Variants in ASTN2 observed in about 807,000 individuals in gnomAD.
The protein encoded by ASTN2 is astrotactin-2.
A neutral mutation model predicts 139.8 loss-of-function variants in ASTN2; 54 were observed. That is an observed-to-expected ratio of 0.39 (90% confidence interval 0.31 to 0.48). The LOEUF (loss-of-function observed/expected upper bound fraction) is 0.48, where lower values mean the gene tolerates loss of function less well. Among genes scored for constraint, ASTN2 ranks in the 20% least tolerant of loss-of-function variants. The pLI is 0.95. For synonymous variants in ASTN2, 756 were observed against 719.5 expected (o/e 1.05, Z -0.81); for missense variants, 1,565 against 1,725.1 (o/e 0.91, Z 1.64).
At chr9:116,824,519 T>C (rs1192207513) in intron 11 of ASTN2, among the ~76,000 whole-genome samples, 1 of 152,124 alleles carries the variant, frequency 6.6e-6, no homozygotes, top group African/African-American at 2.4e-5. Flanking sequence ...CAGCAAAACA[T>C]GAGTGAGCCT....
In ASTN2 at chr9:116,871,461, C is replaced by T. The variant is rs191362273; in HGVS notation, c.1890-7728G>A. ...GAAACCCTGCCTCTATCATAAGTCCCTGCCTACTTCCTCCCAATGACCCTT... is the reference window on the plus strand; with the variant it reads ...GAAACCCTGCCTCTATCATAAGTCCTTGCCTACTTCCTCCCAATGACCCTT... On this transcript the variant is annotated intron_variant, in intron 10 of 22. Transcript: ENST00000313400. 3.9e-5 allele frequency among the ~76,000 whole-genome samples: 6 copies of T among 152,268 alleles called. No individual in the cohort carries two copies. In the East Asian group the frequency reaches 1.2e-3, roughly 29 times the overall value.
At chr9:117,004,330 A>G (rs1316664399) in intron 7 of ASTN2, among the ~76,000 whole-genome samples, 1 of 152,094 alleles carries the variant, frequency 6.6e-6, no homozygotes, top group African/African-American at 2.4e-5. Flanking sequence ...TATGTTGCCC[A>G]GGCTGGTCTT....
intron 1 of ASTN2, among the ~76,000 whole-genome samples, chr9:117,396,920 T>A (rs1292234820): frequency 6.7e-6 from 1 of 148,270 alleles, no homozygotes; most frequent in East Asian, 2.0e-4. Flanking sequence ...TCATGGAGAA[T>A]GGGGTATCCA....
intron 1 of ASTN2, among the ~76,000 whole-genome samples, chr9:117,365,640 T>C (rs926876933): frequency 2.6e-5 from 4 of 152,046 alleles, no homozygotes; most frequent in Non-Finnish European, 5.9e-5. Context: ...CCAGTAAAAA[T>C]AGACCAGGAA....
intron 15 of ASTN2, among the ~76,000 whole-genome samples, chr9:116,728,374 A>G (rs1347424184): frequency 1.3e-5 from 2 of 151,980 alleles, no homozygotes; most frequent in African/African-American, 2.4e-5. Flanking sequence ...GTAATATAGT[A>G]TATGTTCCCA....
intron 19 of ASTN2, among the ~76,000 whole-genome samples, chr9:116,594,895 GT>G (rs1854504003): frequency 6.6e-6 from 1 of 151,982 alleles, no homozygotes; most frequent in Admixed American, 6.6e-5. Flanking sequence ...TCCCCCTCAA[GT>G]TTTTTTCATT....
At chr9:116,548,526 G>C (rs1405181288) in intron 19 of ASTN2, among the ~76,000 whole-genome samples, 1 of 152,178 alleles carries the variant, frequency 6.6e-6, no homozygotes, top group African/African-American at 2.4e-5. Context: ...AGGCTGGAGT[G>C]CCATGGCGTG....
intron 4 of ASTN2, among the ~76,000 whole-genome samples, chr9:117,123,401 CATCT>C (rs1238663627): frequency 6.6e-6 from 1 of 151,966 alleles, no homozygotes; most frequent in East Asian, 1.9e-4. Flanking sequence ...TGCCACTGAC[CATCT>C]ATTTGACATT....
At chr9:116,803,201 A>C (rs1830913810) in intron 13 of ASTN2, among the ~76,000 whole-genome samples, 1 of 152,002 alleles carries the variant, frequency 6.6e-6, no homozygotes, top group Non-Finnish European at 1.5e-5. Context: ...CTCAAGACAC[A>C]CTTTCATAGA....
chr9:116,673,603 C>G (rs565228029), intron 16 of ASTN2, among the ~76,000 whole-genome samples: 1 of 152,138 alleles, frequency 6.6e-6, no homozygotes, highest in African/African-American at 2.4e-5. Flanking sequence ...GATGGCTTTA[C>G]AAGAATGCGT....
In ASTN2 at chr9:116,744,173, G is replaced by A. The variant is rs10759853; in HGVS notation, c.2397-10650C>T. Among the ~76,000 whole-genome samples, 5 of 151,988 alleles carry A rather than the reference G, an allele frequency of 3.3e-5. No individual in the cohort carries two copies. In the South Asian group the frequency reaches 8.3e-4, roughly 25 times the overall value. The stretch of plus-strand genomic sequence containing the variant: ...AAGTCCATAGGGGTGTATGTGTGTG[G>A]GCGCATGTGTGTGTATGGAAGAGGC... On this transcript the variant is annotated intron_variant, in intron 13 of 22. Coordinates refer to ENST00000313400, the MANE Select transcript of ASTN2 (RefSeq NM_001365068.1).
chr9:116,445,785 G>T (rs190932083), intron 20 of ASTN2, among the ~76,000 whole-genome samples: 27 of 152,184 alleles, frequency 1.8e-4, no homozygotes, highest in African/African-American at 6.3e-4. Context: ...GTGACACAAT[G>T]ATAATAATAG....
chr9:117,232,685 C>T (rs1038587596), intron 2 of ASTN2, among the ~76,000 whole-genome samples: 2 of 152,190 alleles, frequency 1.3e-5, no homozygotes, highest in African/African-American at 2.4e-5. Flanking sequence ...TTCCACAAAT[C>T]CCATGCCGAT....
At chr9:117,251,456 A>G (rs1564107334) in intron 2 of ASTN2, among the ~76,000 whole-genome samples, 2 of 152,154 alleles carry the variant, frequency 1.3e-5, no homozygotes, top group Non-Finnish European at 2.9e-5. Flanking sequence ...TCTTCTTTGA[A>G]AAAAACATAA....
intron 16 of ASTN2, among the ~76,000 whole-genome samples, chr9:116,671,144 C>A (rs1421743497): frequency 2.0e-5 from 3 of 151,648 alleles, no homozygotes; most frequent in Non-Finnish European, 4.4e-5. Context: ...AAATAAAATC[C>A]CAAAATTTAT....
At chr9:116,913,488 T>C (rs568529632) in intron 10 of ASTN2, among the ~76,000 whole-genome samples, 1 of 152,308 alleles carries the variant, frequency 6.6e-6, no homozygotes, top group South Asian at 2.1e-4. Context: ...CCGCTGGCTT[T>C]GTCATTTCTT....
At chr9:116,966,154 T>A (rs889966172) in intron 10 of ASTN2, among the ~76,000 whole-genome samples, 5 of 152,246 alleles carry the variant, frequency 3.3e-5, no homozygotes, top group African/African-American at 1.2e-4. Context: ...AGTCCCCTTT[T>A]AAAAGTGTTT....
chr9:117,314,226 C>T (rs575606805), intron 1 of ASTN2, among the ~76,000 whole-genome samples: 3 of 152,164 alleles, frequency 2.0e-5, no homozygotes, highest in Non-Finnish European at 2.9e-5. Context: ...GTTAACCTCC[C>T]CACCCCCACC....
At chr9:117,106,231 T>C (rs1226625906) in intron 4 of ASTN2, among the ~76,000 whole-genome samples, 1 of 151,346 alleles carries the variant, frequency 6.6e-6, no homozygotes, top group African/African-American at 2.4e-5. Flanking sequence ...CTTTTCTTCT[T>C]TTTTTTTTCT....
Sources: gnomAD v4.1 joint callset for allele counts (sites outside exome capture counted in the v4.1 genomes callset) on GRCh38, gnomAD v4.1.1 for gene constraint, MANE v1.5 for transcripts, NCBI Gene and HGNC (gene_info 2026-07-23, HGNC 2026-07-21) for gene names.